Variants in SGSM1 observed in about 807,000 individuals in gnomAD.
The protein encoded by SGSM1 is RUN and TBC1 domain containing 2.
In SGSM1, 73 loss-of-function variants were observed where a neutral mutation model predicts 133.8. That is an observed-to-expected ratio of 0.55 (90% CI 0.45 to 0.66). The LOEUF (loss-of-function observed/expected upper bound fraction) is 0.66, where lower values mean the gene tolerates loss of function less well. Among genes scored for constraint, SGSM1 ranks in the 30% least tolerant of loss-of-function variants. SGSM1 has a pLI of 0.00. For synonymous variants in SGSM1, 563 were observed against 573.0 expected (o/e 0.98, Z 0.25); for missense variants, 1,213 against 1,448.1 (o/e 0.84, Z 2.64).
At chr22:24,904,512 G>A (rs185699550) in intron 20 of SGSM1, among the ~76,000 whole-genome samples, 7 of 151,370 alleles carry the variant, frequency 4.6e-5, no homozygotes, top group East Asian at 2.0e-4. Flanking sequence ...CCCAGGGGGC[G>A]GAGCCTGCAG....
chr22:24,876,551 TC>T (rs1932032198), intron 12 of SGSM1, 25 bp from the exon 13 acceptor site: 1 of 1,613,622 alleles, frequency 6.2e-7, no homozygotes, highest in African/African-American at 1.3e-5. Context: ...GGGTGATTCT[TC>T]TGCCCCTCCT....
intron 10 of SGSM1, 127 bp downstream of exon 10, chr22:24,867,287 C>G: frequency 1.2e-6 from 1 of 839,192 alleles, no homozygotes; most frequent in Middle Eastern, 2.3e-4. Flanking sequence ...CCTGTGCAAC[C>G]TTAGGCAAGC....
rs114671715 is a variant in SGSM1 at position 24,924,454 on chromosome 22, G to A, written c.*180G>A. ...CTTCTGGGCAGATGGGGTGGAGGGA[G>A]TACCCCTTCAATTCAGCCTTACATT... On this transcript the variant is annotated 3_prime_UTR_variant, in exon 25 of 25. Transcript: ENST00000400358. The A allele has an allele frequency of 1.7e-3, 1,003 of 592,302 alleles. 2 individuals are homozygous for A. The highest frequency in any genetic ancestry group is 0.014 in the African/African-American group (757 of 53,982). The allele number at this position is 592,302 out of a possible 1,614,324, so 36.7% of individuals were successfully genotyped here.
chr22:24,808,506 T>C (rs534360361), intron 2 of SGSM1, among the ~76,000 whole-genome samples: 42 of 152,332 alleles, frequency 2.8e-4, no homozygotes, highest in African/African-American at 9.9e-4. Context: ...TGCTGTCTTT[T>C]TGTTCGTGGT....
At chr22:24,911,186 G>A (rs535506208) in intron 21 of SGSM1, among the ~76,000 whole-genome samples, 19 of 149,982 alleles carry the variant, frequency 1.3e-4, no homozygotes, top group African/African-American at 3.7e-4. Flanking sequence ...GCAGTGAGCC[G>A]TGATTGTGCC....
intron 20 of SGSM1, among the ~76,000 whole-genome samples, chr22:24,902,866 C>A (rs1933213984): frequency 6.6e-6 from 1 of 151,954 alleles, no homozygotes; most frequent in African/African-American, 2.4e-5. Context: ...ATAACAAGAC[C>A]CCATCTCTAC....
chr22:24,837,077 C>A (rs1929472772), intron 2 of SGSM1, among the ~76,000 whole-genome samples: 1 of 152,182 alleles, frequency 6.6e-6, no homozygotes, highest in Non-Finnish European at 1.5e-5. Flanking sequence ...AATAAAGACA[C>A]AAGACAAAGA....
rs1265198518 is a variant in SGSM1 at position 24,926,634 on chromosome 22, AT to A, written c.*2363del. On this transcript the variant is annotated 3_prime_UTR_variant, in exon 25 of 25. Coordinates refer to ENST00000400358, the MANE Select transcript of SGSM1 (RefSeq NM_001098497.3). The stretch of plus-strand genomic sequence containing the variant: ...GTTCCAGAGAGCATCTGTGGTTGTG[AT>A]TTGGAATAAGTCATATTTATTTGGT... The A allele has an allele frequency of 2.6e-5, 4 of 152,002 alleles. No homozygotes were observed. Among genetic ancestry groups the A allele is most frequent in the Non-Finnish European group, 5.9e-5 (4 of 68,000 alleles). 9.4% of individuals were successfully genotyped at this position (152,002 alleles called of 1,614,324 possible). A position where few individuals can be genotyped will look rare whatever the true frequency, so the allele number is the denominator to read the frequency against.
At chr22:24,811,355 C>G (rs752000891) in intron 2 of SGSM1, among the ~76,000 whole-genome samples, 5 of 151,996 alleles carry the variant, frequency 3.3e-5, no homozygotes, top group African/African-American at 4.8e-5. Context: ...TAATTTGATA[C>G]GAATGTACTG....
intron 3 of SGSM1, among the ~76,000 whole-genome samples, chr22:24,846,567 A>G (rs966299225): frequency 6.6e-6 from 1 of 152,220 alleles, no homozygotes; most frequent in Non-Finnish European, 1.5e-5. Flanking sequence ...AGCTCTACTC[A>G]AAAGTATTTG....
intron 2 of SGSM1, among the ~76,000 whole-genome samples, chr22:24,820,199 T>C (rs1928381667): frequency 6.6e-6 from 1 of 152,096 alleles, no homozygotes; most frequent in African/African-American, 2.4e-5. Flanking sequence ...GAAGGACCTT[T>C]ATACAAGAAT....
chr22:24,806,371 G>C (rs1410462145), intron 1 of SGSM1, 27 bp downstream of exon 1: 2 of 1,504,400 alleles, frequency 1.3e-6, no homozygotes, highest in Admixed American at 4.4e-5. Context: ...CACGAGGGCG[G>C]CGGGAGGGCA....
chr22:24,843,156 C>T (rs1180604366), intron 2 of SGSM1, among the ~76,000 whole-genome samples: 2 of 152,220 alleles, frequency 1.3e-5, no homozygotes, highest in Non-Finnish European at 2.9e-5. Context: ...GCCAACTTCT[C>T]ATGGGCCTCC....
At chr22:24,917,041 G>A (rs1468378330) in intron 22 of SGSM1, among the ~76,000 whole-genome samples, 2 of 144,286 alleles carry the variant, frequency 1.4e-5, no homozygotes, top group Non-Finnish European at 3.0e-5. Context: ...ACCATGCCAG[G>A]CTAATAAAAA....
chr22:24,811,288 C>T (rs543424113), intron 2 of SGSM1, among the ~76,000 whole-genome samples: 1 of 152,298 alleles, frequency 6.6e-6, no homozygotes, highest in East Asian at 1.9e-4. Flanking sequence ...GCAGGAAAAT[C>T]TGCTCCCCGC....
At chr22:24,845,322 A>C (rs2147834610) in intron 3 of SGSM1, among the ~76,000 whole-genome samples, 1 of 152,166 alleles carries the variant, frequency 6.6e-6, no homozygotes, top group Admixed American at 6.5e-5. Flanking sequence ...GTAGATGGGG[A>C]CTTTTAAAAA....
chr22:24,835,476 G>T (rs148619094), intron 2 of SGSM1, among the ~76,000 whole-genome samples: 132 of 152,176 alleles, frequency 8.7e-4, no homozygotes, highest in African/African-American at 3.1e-3. Flanking sequence ...AGGGAATAAG[G>T]TAAATAAGCA....
intron 16 of SGSM1, among the ~76,000 whole-genome samples, chr22:24,890,088 C>G (rs994567955): frequency 2.6e-5 from 4 of 151,908 alleles, no homozygotes; most frequent in African/African-American, 7.3e-5. Flanking sequence ...TCCCAAGTAG[C>G]TGGGACTGCA....
chr22:24,893,286 G>C, intron 16 of SGSM1, 145 bp from the exon 17 acceptor site: 1 of 801,490 alleles, frequency 1.2e-6, no homozygotes, highest in Non-Finnish European at 2.0e-6. Context: ...GCTAGGCATA[G>C]CATAGTAGGT....
Sources: gnomAD v4.1 joint callset for allele counts (sites outside exome capture counted in the v4.1 genomes callset) on GRCh38, gnomAD v4.1.1 for gene constraint, MANE v1.5 for transcripts, NCBI Gene and HGNC (gene_info 2026-07-23, HGNC 2026-07-21) for gene names.